Variants in DACH1 observed in about 807,000 individuals in gnomAD.
The protein encoded by DACH1 is dachshund family transcription factor 1.
A neutral mutation model predicts 54.2 loss-of-function variants in DACH1; 12 were observed. That is an observed-to-expected ratio of 0.22 (90% CI 0.14 to 0.36). DACH1 has a LOEUF of 0.36. Among genes scored for constraint, DACH1 ranks in the 10% least tolerant of loss-of-function variants. The pLI, the probability that DACH1 is intolerant of heterozygous loss-of-function variation, is 1.00. For synonymous variants in DACH1, 386 were observed against 366.2 expected (o/e 1.05, Z -0.62); for missense variants, 805 against 929.8 (o/e 0.87, Z 1.75).
intron 7 of DACH1, among the ~76,000 whole-genome samples, chr13:71,482,366 C>G (rs1241682451): frequency 6.6e-6 from 1 of 151,936 alleles, no homozygotes; most frequent in African/African-American, 2.4e-5. Context: ...CTAGCTAGAT[C>G]CTGGAGGAGA....
intron 1 of DACH1, among the ~76,000 whole-genome samples, chr13:71,774,577 T>C (rs1295822022): frequency 6.6e-6 from 1 of 152,070 alleles, no homozygotes; most frequent in Admixed American, 6.6e-5. Context: ...ATACCAACCC[T>C]TTGAGGAAGT....
chr13:71,530,538 T>C (rs970508967), intron 6 of DACH1, among the ~76,000 whole-genome samples: 14 of 152,242 alleles, frequency 9.2e-5, no homozygotes, highest in South Asian at 4.1e-4. Context: ...CGAGAACCCA[T>C]AGTGGAAGAA....
intron 7 of DACH1, 91 bp downstream of exon 7, chr13:71,488,906 G>A: frequency 8.0e-7 from 1 of 1,243,924 alleles, no homozygotes; most frequent in Non-Finnish European, 1.1e-6. Flanking sequence ...CAGTCTAATG[G>A]GATTAAGTAG....
chr13:71,827,373 C>T (rs1232076980), intron 1 of DACH1, among the ~76,000 whole-genome samples: 1 of 152,062 alleles, frequency 6.6e-6, no homozygotes, highest in Non-Finnish European at 1.5e-5. Flanking sequence ...TACAACATGG[C>T]CTTCATTAAT....
intron 1 of DACH1, among the ~76,000 whole-genome samples, chr13:71,804,458 T>A (rs1887414098): frequency 6.6e-6 from 1 of 152,174 alleles, no homozygotes; most frequent in Non-Finnish European, 1.5e-5. Flanking sequence ...GGCCACTTTA[T>A]AACCTCCTAT....
At chr13:71,675,254 G>A in intron 2 of DACH1, 1 of 1,581,968 alleles carries the variant, frequency 6.3e-7, no homozygotes, top group Non-Finnish European at 8.7e-7. Flanking sequence ...CTTCTGATTC[G>A]CAGACTTCCC....
intron 1 of DACH1, among the ~76,000 whole-genome samples, chr13:71,820,982 A>C (rs369444607): frequency 3.9e-4 from 60 of 152,330 alleles, no homozygotes; most frequent in African/African-American, 1.4e-3. Flanking sequence ...GCAGAGCTCT[A>C]GACAAAAACA....
Position 71,866,442 on chromosome 13 carries a change from C to A in DACH1, c.328G>T (p.Ala110Ser), listed in dbSNP as rs1874791382. The change falls in exon 1 of 11, where the codon GCC becomes TCC. Residue 110 changes from alanine to serine, a missense_variant. Transcript: ENST00000613252. ...GGSNCNPNLA[A>S]ASNGSGGGGG... is the part of the protein sequence containing the mutation. ...CCGCCGCCGCTGCCGTTGCTCGCGGCCGCCAGGTTGGGGTTGCAGTTGCTG... is the reference window on the plus strand; with the variant it reads ...CCGCCGCCGCTGCCGTTGCTCGCGGACGCCAGGTTGGGGTTGCAGTTGCTG... The A allele has an allele frequency of 7.1e-7, 1 of 1,403,930 alleles. No individual in the cohort carries two copies. 87.0% of individuals were successfully genotyped at this position (1,403,930 alleles called of 1,614,324 possible).
intron 6 of DACH1, among the ~76,000 whole-genome samples, chr13:71,552,766 C>CATATAT (rs369349397): frequency 9.2e-5 from 8 of 86,672 alleles, no homozygotes; most frequent in Non-Finnish European, 1.8e-4. Context: ...AGTTTTCATG[C>CATATAT]ATATATATAT....
At chr13:71,503,303 C>T (rs1477201317) in intron 6 of DACH1, among the ~76,000 whole-genome samples, 4 of 152,116 alleles carry the variant, frequency 2.6e-5, no homozygotes, top group African/African-American at 9.7e-5. Flanking sequence ...ACCTGTGCAG[C>T]CTCAATGCCT....
intron 1 of DACH1, among the ~76,000 whole-genome samples, chr13:71,715,772 T>C (rs1184746580): frequency 6.6e-6 from 1 of 151,902 alleles, no homozygotes; most frequent in Non-Finnish European, 1.5e-5. Flanking sequence ...TTTTCTTCAG[T>C]TGTTTCTCCT....
chr13:71,629,001 G>T (rs763943732), intron 3 of DACH1, among the ~76,000 whole-genome samples: 19 of 152,044 alleles, frequency 1.2e-4, no homozygotes, highest in Admixed American at 2.0e-4. Context: ...AAACAATCCA[G>T]ATTGTTTTGT....
intron 6 of DACH1, among the ~76,000 whole-genome samples, chr13:71,495,961 A>C (rs951403333): frequency 6.6e-6 from 1 of 152,104 alleles, no homozygotes; most frequent in African/African-American, 2.4e-5. Flanking sequence ...GGCCGGGCAC[A>C]GTGGCTTACG....
intron 6 of DACH1, among the ~76,000 whole-genome samples, chr13:71,538,640 G>A (rs1274121354): frequency 6.6e-6 from 1 of 151,954 alleles, no homozygotes; most frequent in African/African-American, 2.4e-5. Flanking sequence ...ATTCTCCAGG[G>A]GAGCACTGAA....
At chr13:71,650,101 T>C (rs1878569007) in intron 2 of DACH1, among the ~76,000 whole-genome samples, 1 of 152,190 alleles carries the variant, frequency 6.6e-6, no homozygotes, top group Non-Finnish European at 1.5e-5. Flanking sequence ...CCTTATAATA[T>C]ATTTACTGTT....
intron 7 of DACH1, among the ~76,000 whole-genome samples, chr13:71,480,434 T>C (rs945539334): frequency 6.6e-6 from 1 of 152,240 alleles, no homozygotes; most frequent in Admixed American, 6.5e-5. Context: ...AAATTAGCAG[T>C]ATTTTAAGGT....
chr13:71,768,350 A>G (rs1289979111), intron 1 of DACH1, among the ~76,000 whole-genome samples: 1 of 151,944 alleles, frequency 6.6e-6, no homozygotes, highest in African/African-American at 2.4e-5. Context: ...GAGAAAGCTT[A>G]CTGCAGGTAG....
chr13:71,580,732 A>C (rs1460806643), intron 3 of DACH1, among the ~76,000 whole-genome samples: 1 of 152,172 alleles, frequency 6.6e-6, no homozygotes, highest in Non-Finnish European at 1.5e-5. Context: ...GCCTCAAAGA[A>C]GGACATCACC....
chr13:71,675,242 A>C, intron 2 of DACH1: 1 of 1,555,738 alleles, frequency 6.4e-7, no homozygotes, highest in Non-Finnish European at 8.8e-7. Context: ...AAGTCCACTG[A>C]ACTTCTGATT....
Sources: gnomAD v4.1 joint callset for allele counts (sites outside exome capture counted in the v4.1 genomes callset) on GRCh38, gnomAD v4.1.1 for gene constraint, MANE v1.5 for transcripts, NCBI Gene and HGNC (gene_info 2026-07-23, HGNC 2026-07-21) for gene names.